Variants in TMTC2 observed in about 807,000 individuals in gnomAD.
TMTC2 encodes the protein transmembrane O-mannosyltransferase targeting cadherins 2, also known as protein O-mannosyl-transferase TMTC2.
A neutral mutation model predicts 82.4 loss-of-function variants in TMTC2; 43 were observed. The observed-to-expected ratio is 0.52, with a 90% confidence interval of 0.41 to 0.67. TMTC2 has a LOEUF of 0.67. Among genes scored for constraint, TMTC2 ranks in the 30% least tolerant of loss-of-function variants. The probability of loss-of-function intolerance (pLI) is 0.00; values close to 1 mark genes in which losing one functional copy is unlikely to be tolerated. For missense variants in TMTC2, 919 were observed against 1,012.4 expected, an observed-to-expected ratio of 0.91 and a Z score of 1.25; for synonymous variants, 408 against 381.9, an observed-to-expected ratio of 1.07 and a Z score of -0.80.
At chr12:82,781,710 T>G (rs1386554248) in intron 1 of TMTC2, among the ~76,000 whole-genome samples, 1 of 150,702 alleles carries the variant, frequency 6.6e-6, no homozygotes, top group Non-Finnish European at 1.5e-5. Flanking sequence ...TTGTTTTTTT[T>G]TTTTTTTTGG....
At chr12:82,942,147 C>T (rs1028184106) in intron 4 of TMTC2, among the ~76,000 whole-genome samples, 10 of 152,102 alleles carry the variant, frequency 6.6e-5, no homozygotes, top group African/African-American at 2.4e-4. Context: ...ATTGAATACA[C>T]ATTGAAAACA....
chr12:82,706,465 G>A (rs1183094100), intron 1 of TMTC2, among the ~76,000 whole-genome samples: 1 of 151,990 alleles, frequency 6.6e-6, no homozygotes, highest in Non-Finnish European at 1.5e-5. Flanking sequence ...GAGTTGATAG[G>A]AGCCAGATCA....
At chr12:82,952,577 G>T (rs1002729648) in intron 4 of TMTC2, among the ~76,000 whole-genome samples, 2 of 151,864 alleles carry the variant, frequency 1.3e-5, no homozygotes, top group African/African-American at 4.8e-5. Flanking sequence ...ATGGAGTCTT[G>T]CTCTGTTGCC....
intron 2 of TMTC2, among the ~76,000 whole-genome samples, chr12:82,861,786 G>T (rs912716755): frequency 7.9e-5 from 12 of 152,292 alleles, no homozygotes; most frequent in African/African-American, 2.9e-4. Flanking sequence ...AAAATCTTCA[G>T]AAGTATGAAT....
At chr12:82,834,886 T>TA (rs977284598) in intron 1 of TMTC2, among the ~76,000 whole-genome samples, 17 of 143,724 alleles carry the variant, frequency 1.2e-4, no homozygotes, top group African/African-American at 4.6e-4. Flanking sequence ...ATTTTATTAT[T>TA]TTTTTTTTTG....
chr12:82,867,731 A>G (rs1273404533), intron 2 of TMTC2, among the ~76,000 whole-genome samples: 1 of 152,202 alleles, frequency 6.6e-6, no homozygotes, highest in East Asian at 1.9e-4. Flanking sequence ...TCAAAGTTAC[A>G]TGAAAACCTT....
intron 1 of TMTC2, among the ~76,000 whole-genome samples, chr12:82,787,874 A>G (rs6539691): frequency 2.0e-5 from 3 of 151,720 alleles, no homozygotes; most frequent in Admixed American, 6.6e-5. Context: ...TATCACGCCA[A>G]TGCACTCCAG....
intron 9 of TMTC2, among the ~76,000 whole-genome samples, chr12:83,048,539 CT>C (rs1882223888): frequency 6.6e-6 from 1 of 152,022 alleles, no homozygotes; most frequent in South Asian, 2.1e-4. Flanking sequence ...ATCTCCAAGT[CT>C]TAGTCTTAAA....
intron 1 of TMTC2, among the ~76,000 whole-genome samples, chr12:82,839,558 G>T (rs949987722): frequency 6.6e-6 from 1 of 152,170 alleles, no homozygotes; most frequent in Non-Finnish European, 1.5e-5. Context: ...GTTTCACATT[G>T]TCCTGTTGTT....
chr12:83,028,269 A>G (rs1477756181), intron 8 of TMTC2, among the ~76,000 whole-genome samples: 1 of 152,220 alleles, frequency 6.6e-6, no homozygotes, highest in African/African-American at 2.4e-5. Context: ...GTTAATTTAC[A>G]TGTATCACAT....
At chr12:82,954,282 C>T (rs561429614) in intron 4 of TMTC2, among the ~76,000 whole-genome samples, 135 of 151,796 alleles carry the variant, frequency 8.9e-4, no homozygotes, top group African/African-American at 3.2e-3. Flanking sequence ...TTTTTTTTCT[C>T]GTCTTCTCTA....
chr12:83,013,711 T>C (rs1353798690), intron 8 of TMTC2, among the ~76,000 whole-genome samples: 1 of 152,226 alleles, frequency 6.6e-6, no homozygotes, highest in African/African-American at 2.4e-5. Context: ...TTTGCTTCTG[T>C]GAAATAGCAG....
rs1193023472 is a variant in TMTC2 at position 82,762,739 on chromosome 12, T to C, written c.83+75070T>C. On this transcript the variant is annotated intron_variant, in intron 1 of 11. Transcript: ENST00000321196. Reference sequence around the variant, plus strand: ...GGTGATCAAAGGAAATAAAATTGAGTAAATACTGTGAATTTTAAAAGTGGA... The same window carrying C: ...GGTGATCAAAGGAAATAAAATTGAGCAAATACTGTGAATTTTAAAAGTGGA... 2.6e-5 allele frequency among the ~76,000 whole-genome samples: 4 copies of C among 152,266 alleles called. No homozygotes were observed. In the East Asian group the frequency reaches 7.7e-4, roughly 29 times the overall value.
At chr12:82,964,900 A>G in intron 4 of TMTC2, 124 bp from the exon 5 acceptor site, 1 of 528,480 alleles carries the variant, frequency 1.9e-6, no homozygotes, top group African/African-American at 2.0e-5. Context: ...TTATTTTTAT[A>G]TTACCAGGTT....
At chr12:82,733,461 G>A (rs962832588) in intron 1 of TMTC2, among the ~76,000 whole-genome samples, 2 of 152,170 alleles carry the variant, frequency 1.3e-5, no homozygotes, top group Non-Finnish European at 2.9e-5. Flanking sequence ...TTCCTGTAGT[G>A]TGATTTCAGT....
intron 1 of TMTC2, among the ~76,000 whole-genome samples, chr12:82,829,053 G>C (rs1869603822): frequency 6.6e-6 from 1 of 152,170 alleles, no homozygotes; most frequent in African/African-American, 2.4e-5. Flanking sequence ...AATAACTAAT[G>C]ATGTTTTTCT....
At chr12:82,772,409 C>T (rs12307933) in intron 1 of TMTC2, among the ~76,000 whole-genome samples, 23,093 of 152,152 alleles carry the variant, frequency 0.15, 2,005 homozygotes, top group African/African-American at 0.24. Context: ...ATGTTGTAGC[C>T]AGTAGCCACA....
intron 4 of TMTC2, among the ~76,000 whole-genome samples, chr12:82,948,641 A>T (rs1877166565): frequency 6.6e-6 from 1 of 152,154 alleles, no homozygotes; most frequent in South Asian, 2.1e-4. Flanking sequence ...GCAGACTTTC[A>T]TTAGTGCACT....
At chr12:82,981,650 C>T (rs567580079) in intron 7 of TMTC2, among the ~76,000 whole-genome samples, 62 of 151,924 alleles carry the variant, frequency 4.1e-4, no homozygotes, top group African/African-American at 1.4e-3. Flanking sequence ...GCACCATAAA[C>T]GTTTTTTTCT....
Sources: gnomAD v4.1 joint callset for allele counts (sites outside exome capture counted in the v4.1 genomes callset) on GRCh38, gnomAD v4.1.1 for gene constraint, MANE v1.5 for transcripts, NCBI Gene and HGNC (gene_info 2026-07-23, HGNC 2026-07-21) for gene names.